ARHGAP26: variants seen among roughly 807,000 people sequenced by gnomAD.
The protein encoded by ARHGAP26 is rho GTPase-activating protein 26.
ARHGAP26 carries 38 observed loss-of-function variants against 104.8 expected under a neutral mutation model. The observed-to-expected ratio is 0.36, with a 90% CI of 0.28 to 0.48. ARHGAP26 has a LOEUF of 0.48. Ranked by LOEUF, ARHGAP26 falls within the 20% of genes least tolerant of loss-of-function variation. ARHGAP26 has a pLI of 0.99. For synonymous variants in ARHGAP26, 341 were observed against 340.0 expected, an observed-to-expected ratio of 1.00 and a Z score of -0.03; for missense variants, 704 against 947.9, an observed-to-expected ratio of 0.74 and a Z score of 3.38.
intron 11 of ARHGAP26, among the ~76,000 whole-genome samples, chr5:142,984,566 C>T (rs1179806512): frequency 6.6e-6 from 1 of 152,144 alleles, no homozygotes; most frequent in African/African-American, 2.4e-5. Flanking sequence ...GGCTGCTATA[C>T]ATGATTCTTT....
Position 143,207,195 on chromosome 5 carries a change from C to T in ARHGAP26, c.1989-3C>T. ...CAAGTTTTCTGGTTGTTATGTCTTGCAGCCCCCCGAATCCAAGCCCAACTT... is the reference window on the plus strand; with the variant it reads ...CAAGTTTTCTGGTTGTTATGTCTTGTAGCCCCCCGAATCCAAGCCCAACTT... On this transcript the variant is annotated splice_polypyrimidine_tract_variant and splice_region_variant and intron_variant, in intron 20 of 22. Transcript: ENST00000645722. 6.2e-7 allele frequency: 1 copy of T among 1,612,346 alleles called. No homozygotes were observed. The highest frequency in any genetic ancestry group is 8.5e-7 in the Non-Finnish European group (1 of 1,178,886).
At chr5:142,886,174 T>G (rs1376463631) in intron 5 of ARHGAP26, among the ~76,000 whole-genome samples, 2 of 152,218 alleles carry the variant, frequency 1.3e-5, no homozygotes, top group Non-Finnish European at 2.9e-5. Flanking sequence ...CTCAACAGTT[T>G]GCTTGACCTC....
chr5:142,835,592 G>A (rs983897052), intron 1 of ARHGAP26, among the ~76,000 whole-genome samples: 1 of 152,150 alleles, frequency 6.6e-6, no homozygotes, highest in Admixed American at 6.5e-5. Context: ...ATGGTGTTTT[G>A]GATTTGATTT....
intron 20 of ARHGAP26, among the ~76,000 whole-genome samples, chr5:143,179,953 T>C (rs1246106374): frequency 6.6e-6 from 1 of 152,142 alleles, no homozygotes; most frequent in East Asian, 1.9e-4. Context: ...CTGGCAACAA[T>C]GGTCATTGTC....
At chr5:143,106,913 T>A (rs1223853357) in intron 17 of ARHGAP26, among the ~76,000 whole-genome samples, 1 of 152,184 alleles carries the variant, frequency 6.6e-6, no homozygotes, top group Admixed American at 6.5e-5. Flanking sequence ...ACTGTTTGAT[T>A]AATGGGCTCA....
At chr5:142,779,333 G>C (rs1757018588) in intron 1 of ARHGAP26, among the ~76,000 whole-genome samples, 1 of 152,166 alleles carries the variant, frequency 6.6e-6, no homozygotes, top group African/African-American at 2.4e-5. Flanking sequence ...ATTTCACCTT[G>C]ATTGGAAGGC....
intron 5 of ARHGAP26, among the ~76,000 whole-genome samples, chr5:142,886,032 G>A (rs1022625049): frequency 1.3e-5 from 2 of 152,140 alleles, no homozygotes; most frequent in Non-Finnish European, 2.9e-5. Flanking sequence ...TGGAGCCATC[G>A]CAGCCGTGGA....
At chr5:142,903,205 C>T (rs1321878923) in intron 7 of ARHGAP26, among the ~76,000 whole-genome samples, 1 of 152,124 alleles carries the variant, frequency 6.6e-6, no homozygotes, top group Non-Finnish European at 1.5e-5. Context: ...ATACAGGCCC[C>T]TAGAGCATCT....
At chr5:143,203,156 A>G (rs1458160565) in intron 20 of ARHGAP26, 1 of 152,226 alleles carries the variant, frequency 6.6e-6, no homozygotes, top group Non-Finnish European at 1.5e-5. Flanking sequence ...AGAATGGGAG[A>G]AAATTTTTGC....
At chr5:143,175,725 C>G (rs1226980196) in intron 20 of ARHGAP26, among the ~76,000 whole-genome samples, 3 of 152,082 alleles carry the variant, frequency 2.0e-5, no homozygotes, top group Admixed American at 6.5e-5. Context: ...CTTTCTGATT[C>G]TTATTTAGGT....
intron 10 of ARHGAP26, among the ~76,000 whole-genome samples, chr5:142,930,853 T>G (rs1764615113): frequency 6.6e-6 from 1 of 152,208 alleles, no homozygotes; most frequent in African/African-American, 2.4e-5. Flanking sequence ...GTTTAGCATA[T>G]TCATTGGAAC....
chr5:143,136,075 G>C (rs1017710604), intron 19 of ARHGAP26, among the ~76,000 whole-genome samples: 1 of 152,254 alleles, frequency 6.6e-6, no homozygotes, highest in South Asian at 2.1e-4. Context: ...GATTAGGAGA[G>C]GCTAGACAGT....
At chr5:143,144,571 A>AT (rs1798937624) in intron 19 of ARHGAP26, among the ~76,000 whole-genome samples, 1 of 151,960 alleles carries the variant, frequency 6.6e-6, no homozygotes, top group Non-Finnish European at 1.5e-5. Context: ...AGGCCTGGCT[A>AT]ATTTTTAACT....
At chr5:143,128,852 A>G (rs1445940685) in intron 18 of ARHGAP26, among the ~76,000 whole-genome samples, 3 of 152,156 alleles carry the variant, frequency 2.0e-5, no homozygotes, top group Non-Finnish European at 4.4e-5. Context: ...CTGTTGATTT[A>G]TTGTCTCAGA....
intron 17 of ARHGAP26, among the ~76,000 whole-genome samples, chr5:143,081,249 T>C (rs978073989): frequency 6.6e-6 from 1 of 152,080 alleles, no homozygotes; most frequent in African/African-American, 2.4e-5. Flanking sequence ...GACAGAGTCC[T>C]GGGGCTCTAC....
At position 143,222,049 on chromosome 5, in the gene ARHGAP26, A is replaced by C. The variant is rs555404951; in HGVS notation, c.2192-309A>C. Among the ~76,000 whole-genome samples, 213 of 152,356 alleles carry C rather than the reference A, an allele frequency of 1.4e-3. 2 individuals carry two copies. The highest frequency in any genetic ancestry group is 5.0e-3 in the African/African-American group (209 of 41,574). On this transcript the variant is annotated intron_variant, in intron 22 of 22. Transcript: ENST00000645722. Reference sequence around the variant, plus strand: ...CTTTGTAGTTTAAACCAGGAGCTTCAGAAAATCCGTGAAACCCCTAAAATT... The same window carrying C: ...CTTTGTAGTTTAAACCAGGAGCTTCCGAAAATCCGTGAAACCCCTAAAATT...
chr5:143,067,743 A>G (rs896164587), intron 17 of ARHGAP26, among the ~76,000 whole-genome samples: 1 of 152,214 alleles, frequency 6.6e-6, no homozygotes, highest in Non-Finnish European at 1.5e-5. Flanking sequence ...ATTGGGTAGA[A>G]TAGGGTCACT....
chr5:142,778,245 AG>A (rs1342630943), intron 1 of ARHGAP26, among the ~76,000 whole-genome samples: 2 of 152,232 alleles, frequency 1.3e-5, no homozygotes, highest in Non-Finnish European at 2.9e-5. Flanking sequence ...GATTAGGTTT[AG>A]GGGTAAAATT....
intron 12 of ARHGAP26, among the ~76,000 whole-genome samples, chr5:143,018,546 T>C (rs1408581938): frequency 6.6e-6 from 1 of 152,230 alleles, no homozygotes; most frequent in Non-Finnish European, 1.5e-5. Context: ...TCCATTCTTA[T>C]TTTTATCCTT....
Sources: gnomAD v4.1 joint callset for allele counts (sites outside exome capture counted in the v4.1 genomes callset) on GRCh38, gnomAD v4.1.1 for gene constraint, MANE v1.5 for transcripts, NCBI Gene and HGNC (gene_info 2026-07-23, HGNC 2026-07-21) for gene names.